Variants in STK17A observed in about 807,000 individuals in gnomAD.
STK17A encodes serine/threonine kinase 17a.
STK17A carries 26 observed loss-of-function variants against 43.7 expected under a neutral mutation model. The observed-to-expected ratio is 0.60, with a 90% CI of 0.44 to 0.83. The LOEUF is 0.83. Ranked by LOEUF, STK17A falls within the 40% of genes least tolerant of loss-of-function variation. The pLI, the probability that STK17A is intolerant of heterozygous loss-of-function variation, is 0.00. For synonymous variants in STK17A, 191 were observed against 182.5 expected, an observed-to-expected ratio of 1.05 and a Z score of -0.38; for missense variants, 476 against 511.6, an observed-to-expected ratio of 0.93 and a Z score of 0.67.
chr7:43,586,493 A>G (rs2082440294), intron 1 of STK17A, among the ~76,000 whole-genome samples: 1 of 151,520 alleles, frequency 6.6e-6, no homozygotes, highest in Non-Finnish European at 1.5e-5. Context: ...TTGACTGGTT[A>G]AGGCTTGTTA....
chr7:43,587,521 A>C (rs2082451988), intron 1 of STK17A, among the ~76,000 whole-genome samples: 1 of 151,422 alleles, frequency 6.6e-6, no homozygotes, highest in African/African-American at 2.4e-5. Flanking sequence ...GAATAAGAGA[A>C]TATTCAAACT....
chr7:43,585,216 T>C (rs1208535669), intron 1 of STK17A, among the ~76,000 whole-genome samples: 2 of 151,838 alleles, frequency 1.3e-5, no homozygotes, highest in East Asian at 3.9e-4. Flanking sequence ...AAAGGAAAAC[T>C]ACGTTTTTCC....
chr7:43,610,435 C>T (rs2082755589), intron 3 of STK17A, among the ~76,000 whole-genome samples: 1 of 148,112 alleles, frequency 6.8e-6, no homozygotes, highest in African/African-American at 2.5e-5. Flanking sequence ...GGAGGCCGAG[C>T]CAGGCAGATC....
intron 3 of STK17A, 46 bp downstream of exon 3, chr7:43,608,446 A>G (rs1233627045): frequency 6.4e-7 from 1 of 1,569,162 alleles, no homozygotes; most frequent in Non-Finnish European, 8.6e-7. Flanking sequence ...AATGACATTC[A>G]AGACATAAAA....
chr7:43,619,872 C>T (rs1277100308), intron 4 of STK17A, 149 bp downstream of exon 4: 9 of 1,106,548 alleles, frequency 8.1e-6, no homozygotes, highest in Middle Eastern at 2.2e-4. Context: ...TTACATTTTA[C>T]AATGGAAAAC....
intron 3 of STK17A, among the ~76,000 whole-genome samples, chr7:43,614,154 A>C (rs977388051): frequency 2.0e-5 from 3 of 152,196 alleles, no homozygotes; most frequent in Non-Finnish European, 4.4e-5. Flanking sequence ...CAATGATCTT[A>C]GCCGCCAAAT....
At chr7:43,613,249 A>G (rs1420013975) in intron 3 of STK17A, among the ~76,000 whole-genome samples, 1 of 152,182 alleles carries the variant, frequency 6.6e-6, no homozygotes, top group African/African-American at 2.4e-5. Flanking sequence ...AATTCCACAA[A>G]GTTCCAAAAA....
intron 1 of STK17A, among the ~76,000 whole-genome samples, chr7:43,593,081 C>G (rs1055253571): frequency 2.0e-5 from 3 of 152,176 alleles, no homozygotes; most frequent in African/African-American, 7.2e-5. Flanking sequence ...CCCCTTCCCA[C>G]TCTCTTACTG....
intron 1 of STK17A, 30 bp downstream of exon 1, chr7:43,583,479 C>A: frequency 7.9e-7 from 1 of 1,270,732 alleles, no homozygotes; most frequent in Non-Finnish European, 9.9e-7. Context: ...GGCGCGGAAC[C>A]TTCCCGGACG....
chr7:43,590,558 C>T (rs1441343158), intron 1 of STK17A, among the ~76,000 whole-genome samples: 1 of 151,260 alleles, frequency 6.6e-6, no homozygotes, highest in Admixed American at 6.6e-5. Flanking sequence ...TAATGAAAAC[C>T]TAAGTTCTCA....
chr7:43,602,883 T>C (rs1031384395), intron 2 of STK17A, among the ~76,000 whole-genome samples: 1 of 149,118 alleles, frequency 6.7e-6, no homozygotes, highest in African/African-American at 2.4e-5. Context: ...GGTCAATATA[T>C]CAGTATCAGT....
In STK17A at chr7:43,608,400, G is replaced by T. The variant is rs2082634358; in HGVS notation, c.564G>T (p.Lys188Asn). 6.3e-7 allele frequency: 1 copy of T among 1,593,490 alleles called. No homozygotes were observed. The highest frequency in any genetic ancestry group is 8.5e-7 in the Non-Finnish European group (1 of 1,172,440). ...GTGATGTAGTTCATCTTGATTTGAAGGTAAGATTCAAATTACAATTTTGAG... is the reference window on the plus strand; with the variant it reads ...GTGATGTAGTTCATCTTGATTTGAATGTAAGATTCAAATTACAATTTTGAG... ...HTRDVVHLDLKPQNILLTSES... is the reference protein window; with the variant it reads ...HTRDVVHLDLNPQNILLTSES... The change falls in exon 3 of 7, where the codon AAG (lysine) becomes AAT (asparagine). Residue 188 changes from lysine to asparagine, a missense_variant and splice_region_variant. Transcript: ENST00000319357.
At chr7:43,617,113 G>C (rs568722080) in intron 3 of STK17A, among the ~76,000 whole-genome samples, 1 of 152,288 alleles carries the variant, frequency 6.6e-6, no homozygotes, top group African/African-American at 2.4e-5. Flanking sequence ...AGACTGGAAA[G>C]TGTCCCGTGG....
chr7:43,625,786 T>G lies in STK17A; in HGVS notation c.*944T>G, dbSNP rs2084460067. On this transcript the variant is annotated 3_prime_UTR_variant, in exon 7 of 7. Coordinates refer to ENST00000319357, the MANE Select transcript of STK17A (RefSeq NM_004760.3). Reference sequence around the variant, plus strand: ...GAGAGAGAGAGAGAGAGTGTCTTCATGCCAACCACAGCCTGTTTCTGCTGA... The same window carrying G: ...GAGAGAGAGAGAGAGAGTGTCTTCAGGCCAACCACAGCCTGTTTCTGCTGA... 1 of 134,990 alleles carries G rather than the reference T, an allele frequency of 7.4e-6. No individual in the cohort carries two copies. Among genetic ancestry groups the G allele is most frequent in the South Asian group, 2.3e-4 (1 of 4,414 alleles). The allele number at this position is 134,990 out of a possible 1,614,324, so 8.4% of individuals were successfully genotyped here.
chr7:43,613,199 G>T (rs2083035726), intron 3 of STK17A, among the ~76,000 whole-genome samples: 1 of 152,116 alleles, frequency 6.6e-6, no homozygotes, highest in Non-Finnish European at 1.5e-5. Flanking sequence ...TGCATCCATG[G>T]ATTCAACCAA....
intron 3 of STK17A, among the ~76,000 whole-genome samples, chr7:43,613,353 G>C (rs2083053912): frequency 6.6e-6 from 1 of 152,160 alleles, no homozygotes; most frequent in Non-Finnish European, 1.5e-5. Context: ...GAGTAACCTA[G>C]AGATGATTTA....
chr7:43,583,432 G>A lies in STK17A; in HGVS notation c.189G>A (p.Pro63=), dbSNP rs1027623371. The A allele has an allele frequency of 2.2e-6, 3 of 1,374,040 alleles. No individual in the cohort carries two copies. Among genetic ancestry groups the A allele is most frequent in the Admixed American group, 3.6e-5 (1 of 27,974 alleles). The allele number at this position is 1,374,040 out of a possible 1,614,324, so 85.1% of individuals were successfully genotyped here. The stretch of plus-strand genomic sequence containing the variant: ...TCCAGGACGGCTACAGCCTGTGCCC[G>A]GGCCGGGAGCTGGGCAGGTGAGGAC... ...EPFQDGYSLC[P]GRELGRGKFA... is the part of the protein sequence containing the mutation. Residue 63 remains proline, a synonymous_variant, in exon 1 of 7, where the codon CCG becomes CCA. Transcript: ENST00000319357.
intron 3 of STK17A, among the ~76,000 whole-genome samples, chr7:43,609,956 GT>G (rs1322318690): frequency 6.6e-6 from 1 of 152,238 alleles, no homozygotes; most frequent in Admixed American, 6.5e-5. Context: ...GGAAGGGCTT[GT>G]TAATACAAAT....
At chr7:43,620,828 G>A (rs1339208731) in intron 4 of STK17A, among the ~76,000 whole-genome samples, 1 of 152,226 alleles carries the variant, frequency 6.6e-6, no homozygotes, top group Non-Finnish European at 1.5e-5. Context: ...GGACATCAGT[G>A]TGGAAGTCAC....
Sources: gnomAD v4.1 joint callset for allele counts (sites outside exome capture counted in the v4.1 genomes callset) on GRCh38, gnomAD v4.1.1 for gene constraint, MANE v1.5 for transcripts, NCBI Gene and HGNC (gene_info 2026-07-23, HGNC 2026-07-21) for gene names.